Variants in SNX24 observed in about 807,000 individuals in gnomAD.
SNX24 encodes sorting nexin-24.
SNX24 carries 22 observed loss-of-function variants against 28.7 expected under a neutral mutation model. That is an observed-to-expected ratio of 0.77 (90% CI 0.55 to 1.10). The LOEUF is 1.10. Among genes scored for constraint, SNX24 ranks in the 50% least tolerant of loss-of-function variants. The probability of loss-of-function intolerance (pLI) is 0.00; values close to 1 mark genes in which losing one functional copy is unlikely to be tolerated. For missense variants in SNX24, 221 were observed against 201.1 expected (o/e 1.10, Z -0.60); for synonymous variants, 69 against 71.5 (o/e 0.96, Z 0.18).
At chr5:122,918,276 CAG>C (rs1301835017) in intron 1 of SNX24, among the ~76,000 whole-genome samples, 2 of 152,146 alleles carry the variant, frequency 1.3e-5, no homozygotes, top group African/African-American at 4.8e-5. Flanking sequence ...CAGTTTATAA[CAG>C]GGCAGTGGAC....
At chr5:122,936,385 T>C (rs30044) in intron 1 of SNX24, among the ~76,000 whole-genome samples, 117,094 of 152,082 alleles carry the variant, frequency 0.77, 45,966 homozygotes, top group East Asian at 0.99. Flanking sequence ...ATTCCTCTTG[T>C]AATACTCTGG....
intron 1 of SNX24, among the ~76,000 whole-genome samples, chr5:122,907,130 C>T (rs2150085232): frequency 6.6e-6 from 1 of 152,304 alleles, no homozygotes; most frequent in East Asian, 1.9e-4. Context: ...CTTGGCTTTA[C>T]TTTGCTTATC....
At chr5:123,028,454 A>G (rs1459975097) in intron 5 of SNX24, 7 of 227,076 alleles carry the variant, frequency 3.1e-5, no homozygotes, top group African/African-American at 1.6e-4. Context: ...CATGTTCCAC[A>G]CCTTTTCCTT....
At chr5:122,935,800 C>T (rs1374636356) in intron 1 of SNX24, among the ~76,000 whole-genome samples, 1 of 152,020 alleles carries the variant, frequency 6.6e-6, no homozygotes, top group Non-Finnish European at 1.5e-5. Flanking sequence ...CATGTGATCT[C>T]TACAGTTTTG....
intron 3 of SNX24, among the ~76,000 whole-genome samples, chr5:122,970,254 C>T (rs1408439289): frequency 1.3e-5 from 2 of 150,230 alleles, no homozygotes; most frequent in African/African-American, 4.9e-5. Flanking sequence ...AGATATTCTT[C>T]CTAGACTACT....
intron 3 of SNX24, among the ~76,000 whole-genome samples, chr5:122,952,843 A>G (rs1760012002): frequency 6.6e-6 from 1 of 152,170 alleles, no homozygotes; most frequent in African/African-American, 2.4e-5. Flanking sequence ...CATTCAGTAG[A>G]TGCTCTCTCT....
At chr5:122,904,523 T>TA (rs969389803) in intron 1 of SNX24, among the ~76,000 whole-genome samples, 2 of 152,012 alleles carry the variant, frequency 1.3e-5, no homozygotes, top group African/African-American at 2.4e-5. Flanking sequence ...ATCTGGTCTT[T>TA]AAAAAAAATT....
At chr5:122,892,824 A>C (rs938087692) in intron 1 of SNX24, among the ~76,000 whole-genome samples, 4 of 151,908 alleles carry the variant, frequency 2.6e-5, no homozygotes, top group Non-Finnish European at 5.9e-5. Context: ...GCTGGAATGC[A>C]GTGGCTCGAT....
chr5:122,886,519 T>C (rs921967832), intron 1 of SNX24, among the ~76,000 whole-genome samples: 10 of 152,136 alleles, frequency 6.6e-5, no homozygotes, highest in Non-Finnish European at 1.3e-4. Context: ...TCTAATAACA[T>C]TTAAAATTAT....
intron 6 of SNX24, 34 bp from the exon 7 acceptor site, chr5:123,007,648 C>CTTTTTTTTTTCTTTTTTTTTTTT: frequency 1.3e-5 from 18 of 1,389,002 alleles, no homozygotes; most frequent in East Asian, 7.6e-5. Flanking sequence ...AGCAGTTTTT[C>CTTTTTTTTTTCTTTTTTTTTTTT]TTTTTTTTTT....
intron 1 of SNX24, among the ~76,000 whole-genome samples, chr5:122,923,951 A>C (rs1758559829): frequency 6.6e-6 from 1 of 152,242 alleles, no homozygotes. Context: ...TAGGTTTTTA[A>C]TGAGAATGTG....
intron 4 of SNX24, 53 bp downstream of exon 4, chr5:123,000,059 C>T (rs1762191567): frequency 9.4e-6 from 11 of 1,170,386 alleles, no homozygotes; most frequent in Middle Eastern, 1.9e-4. Context: ...TCTTCAATGA[C>T]CAATTGATCT....
chr5:122,890,518 G>T (rs1339041668), intron 1 of SNX24, among the ~76,000 whole-genome samples: 1 of 146,942 alleles, frequency 6.8e-6, no homozygotes, highest in East Asian at 2.0e-4. Flanking sequence ...GGCCCAGGCT[G>T]GAATGCAGTG....
intron 1 of SNX24, among the ~76,000 whole-genome samples, chr5:122,886,324 T>G (rs1240264153): frequency 6.6e-6 from 1 of 152,254 alleles, no homozygotes; most frequent in African/African-American, 2.4e-5. Flanking sequence ...CTGGTACATT[T>G]CTGTCATCTT....
intron 4 of SNX24, 83 bp from the exon 5 acceptor site, chr5:123,001,322 T>C: frequency 1.2e-6 from 1 of 852,690 alleles, no homozygotes; most frequent in Non-Finnish European, 1.9e-6. Context: ...TCTAATAATA[T>C]TGGGTATTTT....
chr5:123,003,433 A>T (rs1762314746), intron 6 of SNX24, among the ~76,000 whole-genome samples: 1 of 152,230 alleles, frequency 6.6e-6, no homozygotes, highest in Admixed American at 6.5e-5. Context: ...TTCATAATGC[A>T]ATCTAATATA....
At chr5:122,982,927 T>C (rs574383892) in intron 3 of SNX24, 56 of 152,312 alleles carry the variant, frequency 3.7e-4, no homozygotes, top group African/African-American at 1.3e-3. Context: ...ATTAACTCTT[T>C]TTTAAAAAAC....
At chr5:122,856,130 G>C (rs368492903) in intron 1 of SNX24, among the ~76,000 whole-genome samples, 1 of 152,018 alleles carries the variant, frequency 6.6e-6, no homozygotes, top group African/African-American at 2.4e-5. Flanking sequence ...CCCTCCACTC[G>C]CAAGTAATCC....
At chr5:122,856,190 C>T (rs997663424) in intron 1 of SNX24, among the ~76,000 whole-genome samples, 3 of 152,064 alleles carry the variant, frequency 2.0e-5, no homozygotes, top group Non-Finnish European at 4.4e-5. Flanking sequence ...TGTTTAGCTC[C>T]CTTATAACTC....
Sources: gnomAD v4.1 joint callset for allele counts (sites outside exome capture counted in the v4.1 genomes callset) on GRCh38, gnomAD v4.1.1 for gene constraint, MANE v1.5 for transcripts, NCBI Gene and HGNC (gene_info 2026-07-23, HGNC 2026-07-21) for gene names.